Variants in CCN4 observed in about 807,000 individuals in gnomAD.
The protein encoded by CCN4 is cellular communication network factor 4.
CCN4 carries 30 observed loss-of-function variants against 36.7 expected under a neutral mutation model. The observed-to-expected ratio is 0.82, with a 90% confidence interval of 0.61 to 1.11. CCN4 has a LOEUF of 1.11. Ranked by LOEUF, CCN4 falls within the 50% of genes least tolerant of loss-of-function variation. The pLI, the probability that CCN4 is intolerant of heterozygous loss-of-function variation, is 0.00. For synonymous variants in CCN4, 191 were observed against 195.4 expected (o/e 0.98, Z 0.19); for missense variants, 505 against 504.9 (o/e 1.00, Z 0.00).
At chr8:133,220,903 G>A (rs1854503826) in intron 3 of CCN4, 62 bp downstream of exon 3, 8 of 1,534,462 alleles carry the variant, frequency 5.2e-6, no homozygotes, top group Non-Finnish European at 7.0e-6. Flanking sequence ...GACCCTCCTG[G>A]AACTCTGACC....
At chr8:133,227,331 A>G in intron 4 of CCN4, 80 bp from the exon 5 acceptor site, 2 of 1,474,000 alleles carry the variant, frequency 1.4e-6, no homozygotes, top group Non-Finnish European at 1.8e-6. Flanking sequence ...GTGAGAAGGG[A>G]AAAACTGGGG....
intron 1 of CCN4, among the ~76,000 whole-genome samples, chr8:133,209,504 G>A (rs1853909823): frequency 6.6e-6 from 1 of 152,202 alleles, no homozygotes; most frequent in East Asian, 1.9e-4. Flanking sequence ...CTCTGCCCAG[G>A]GATGCCATAA....
In CCN4 at chr8:133,220,666, G is replaced by T; in HGVS notation, c.435G>T (p.Thr145=). Residue 145 remains threonine (T), a synonymous_variant, in exon 3 of 5, where the codon ACG becomes ACT. Transcript: ENST00000250160. ...SFQPNCKYNC[T]CIDGAVGCTP... is the part of the protein sequence containing the mutation. ...AGCCTAACTGCAAGTACAACTGCACGTGCATCGACGGCGCGGTGGGCTGCA... is the reference window on the plus strand; with the variant it reads ...AGCCTAACTGCAAGTACAACTGCACTTGCATCGACGGCGCGGTGGGCTGCA... The T allele has an allele frequency of 2.5e-6, 4 of 1,614,112 alleles. No homozygotes were observed. The highest frequency in any genetic ancestry group is 3.4e-6 in the Non-Finnish European group (4 of 1,180,008).
intron 4 of CCN4, among the ~76,000 whole-genome samples, chr8:133,227,130 G>C (rs954169111): frequency 6.6e-6 from 1 of 152,118 alleles, no homozygotes; most frequent in African/African-American, 2.4e-5. Flanking sequence ...TGAATGACTG[G>C]CCATAGGCAA....
chr8:133,224,337 T>A (rs1378076995), intron 3 of CCN4, among the ~76,000 whole-genome samples: 2 of 139,628 alleles, frequency 1.4e-5, no homozygotes, highest in Non-Finnish European at 1.5e-5. Flanking sequence ...ACCTCCCAGA[T>A]CAAGCAATTC....
At chr8:133,205,152 T>C (rs1372991477) in intron 1 of CCN4, among the ~76,000 whole-genome samples, 1 of 152,184 alleles carries the variant, frequency 6.6e-6, no homozygotes, top group African/African-American at 2.4e-5. Context: ...CAGGCAGAAG[T>C]GAGCAGGACC....
chr8:133,220,894 A>T lies in CCN4; in HGVS notation c.610+53A>T, dbSNP rs549716620. 9.4e-5 allele frequency: 146 copies of T among 1,548,084 alleles called. No individual in the cohort carries two copies. The African/African-American group carries it at 1.7e-3, about 18-fold the overall frequency. ...GTGGGACCCTACAAATGGGTTGTGG[A>T]CCCTCCTGGAACTCTGACCACCATA... On this transcript the variant is annotated intron_variant, in intron 3 of 4. Coordinates refer to ENST00000250160, the MANE Select transcript of CCN4 (RefSeq NM_003882.4).
intron 3 of CCN4, 114 bp from the exon 4 acceptor site, chr8:133,225,276 C>A: frequency 8.6e-7 from 1 of 1,169,390 alleles, no homozygotes; most frequent in Non-Finnish European, 1.2e-6. Flanking sequence ...GGAGGTACAG[C>A]CAATTTCTGT....
intron 1 of CCN4, among the ~76,000 whole-genome samples, chr8:133,194,638 G>GGTGTGTGC (rs1299632109): frequency 8.9e-6 from 1 of 112,992 alleles, no homozygotes; most frequent in Non-Finnish European, 1.9e-5. Context: ...GGGTGTGTGG[G>GGTGTGTGC]GTGTGTGCGT....
chr8:133,202,391 G>A (rs1375223667), intron 1 of CCN4, among the ~76,000 whole-genome samples: 1 of 152,164 alleles, frequency 6.6e-6, no homozygotes, highest in Non-Finnish European at 1.5e-5. Flanking sequence ...CGTTCTCAGA[G>A]GCTTTGTCTC....
At chr8:133,191,297 T>G (rs1853100688) in intron 1 of CCN4, 84 bp downstream of exon 1, 1 of 1,456,556 alleles carries the variant, frequency 6.9e-7, no homozygotes, top group Admixed American at 2.0e-5. Context: ...GTGGGCAGGA[T>G]GAAAAGGGCC....
At chr8:133,222,095 T>G (rs181413655) in intron 3 of CCN4, among the ~76,000 whole-genome samples, 1 of 151,472 alleles carries the variant, frequency 6.6e-6, no homozygotes, top group Non-Finnish European at 1.5e-5. Flanking sequence ...GACAAATAGG[T>G]GAATGATGGA....
intron 1 of CCN4, among the ~76,000 whole-genome samples, chr8:133,212,540 T>C (rs1327650405): frequency 2.6e-5 from 4 of 151,664 alleles, no homozygotes; most frequent in African/African-American, 9.7e-5. Flanking sequence ...CCCTGTAAAG[T>C]GAGGCCACCT....
chr8:133,207,098 C>A (rs1032791320), intron 1 of CCN4, among the ~76,000 whole-genome samples: 3 of 152,204 alleles, frequency 2.0e-5, no homozygotes, highest in African/African-American at 7.2e-5. Flanking sequence ...CCTGCTCATG[C>A]AGGGACAGAT....
chr8:133,219,080 T>C (rs1854428173), intron 2 of CCN4, among the ~76,000 whole-genome samples: 1 of 152,102 alleles, frequency 6.6e-6, no homozygotes, highest in Non-Finnish European at 1.5e-5. Context: ...CATGCTACCT[T>C]TGCCCTCTGA....
intron 1 of CCN4, among the ~76,000 whole-genome samples, chr8:133,200,036 TA>T (rs1401716754): frequency 6.6e-6 from 1 of 152,198 alleles, no homozygotes; most frequent in Non-Finnish European, 1.5e-5. Context: ...GACCAGCTCC[TA>T]GGGGTATCCT....
Position 133,229,973 on chromosome 8 carries a change from A to G in CCN4, c.*2263A>G, listed in dbSNP as rs984780696. 2.0e-5 allele frequency: 3 copies of G among 152,234 alleles called. No individual in the cohort carries two copies. The highest frequency in any genetic ancestry group is 6.5e-5 in the Admixed American group (1 of 15,280). 9.4% of individuals were successfully genotyped at this position (152,234 alleles called of 1,614,324 possible). On this transcript the variant is annotated 3_prime_UTR_variant, in exon 5 of 5. Coordinates refer to ENST00000250160, the MANE Select transcript of CCN4 (RefSeq NM_003882.4). ...AAAACACCTGCCATCTACAAATTAC[A>G]AGGCTGGATAACAGCTCACTCCATT...
rs562824103 is a variant in CCN4 at position 133,214,124 on chromosome 8, AACT to A, written c.349+986_349+988del. Among the ~76,000 whole-genome samples, 470 of 130,068 alleles carry A rather than the reference AACT, an allele frequency of 3.6e-3. 5 individuals carry two copies. The highest frequency in any genetic ancestry group is 0.013 in the African/African-American group (445 of 33,018). The allele number at this position is 130,068 out of a possible 152,430, so 85.3% of individuals were successfully genotyped here. A position where few individuals can be genotyped will look rare whatever the true frequency, so the allele number is the denominator to read the frequency against. ...TATAGTATATATAGTAGTTATATATAACTACTATATAACAGTAGTTATATATAA... is the reference window on the plus strand; with the variant it reads ...TATAGTATATATAGTAGTTATATATAACTATATAACAGTAGTTATATATAA... On this transcript the variant is annotated intron_variant, in intron 2 of 4. Transcript: ENST00000250160.
intron 1 of CCN4, among the ~76,000 whole-genome samples, chr8:133,197,855 A>G (rs1853445595): frequency 6.6e-6 from 1 of 152,122 alleles, no homozygotes; most frequent in Non-Finnish European, 1.5e-5. Flanking sequence ...CTGGGAGTGG[A>G]GAAAGGCATG....
Sources: allele counts gnomAD v4.1 joint callset (sites outside exome capture counted in the v4.1 genomes callset), GRCh38; gene constraint gnomAD v4.1.1; transcripts MANE v1.5; gene names NCBI Gene and HGNC (gene_info 2026-07-23, HGNC 2026-07-21).